GABBR2: variants seen among roughly 807,000 people sequenced by gnomAD.
GABBR2 encodes gamma-aminobutyric acid type B receptor subunit 2.
In GABBR2, 23 loss-of-function variants were observed where a neutral mutation model predicts 105.6. That is an observed-to-expected ratio of 0.22 (90% CI 0.16 to 0.31). GABBR2 has a LOEUF of 0.31. Among genes scored for constraint, GABBR2 ranks in the 10% least tolerant of loss-of-function variants. GABBR2 has a pLI of 1.00. For missense variants in GABBR2, 734 were observed against 1,245.5 expected, an observed-to-expected ratio of 0.59 and a Z score of 6.18; for synonymous variants, 478 against 499.7, an observed-to-expected ratio of 0.96 and a Z score of 0.58.
At chr9:98,503,034 A>G (rs908689039) in intron 3 of GABBR2, among the ~76,000 whole-genome samples, 3 of 152,274 alleles carry the variant, frequency 2.0e-5, no homozygotes, top group African/African-American at 7.2e-5. Flanking sequence ...ATCTCTGTCT[A>G]GTGAGGGCAA....
At chr9:98,494,407 GC>G (rs1257485127) in intron 4 of GABBR2, among the ~76,000 whole-genome samples, 1 of 152,220 alleles carries the variant, frequency 6.6e-6, no homozygotes, top group East Asian at 1.9e-4. Flanking sequence ...AAGGAGCTGT[GC>G]AGGTGTCTGG....
intron 13 of GABBR2, among the ~76,000 whole-genome samples, chr9:98,316,251 A>T (rs990541648): frequency 1.3e-5 from 2 of 151,766 alleles, no homozygotes; most frequent in Non-Finnish European, 2.9e-5. Context: ...TCCTGGGTTC[A>T]AGCGATTCTC....
intron 1 of GABBR2, among the ~76,000 whole-genome samples, chr9:98,589,461 C>T (rs947187949): frequency 1.3e-5 from 2 of 152,044 alleles, no homozygotes; most frequent in African/African-American, 2.4e-5. Context: ...ACAGAGAGGC[C>T]GCATCATCTA....
chr9:98,536,426 A>G (rs1828182536), intron 3 of GABBR2, among the ~76,000 whole-genome samples: 1 of 152,204 alleles, frequency 6.6e-6, no homozygotes, highest in African/African-American at 2.4e-5. Context: ...AGCCCAAAGA[A>G]TAACTTGGTG....
At chr9:98,500,268 G>T (rs1016157790) in intron 3 of GABBR2, among the ~76,000 whole-genome samples, 5 of 152,208 alleles carry the variant, frequency 3.3e-5, no homozygotes, top group African/African-American at 1.2e-4. Context: ...ATGGCAGGGG[G>T]TGCCCCTGGG....
intron 1 of GABBR2, among the ~76,000 whole-genome samples, chr9:98,624,040 C>A (rs191098969): frequency 6.6e-6 from 1 of 152,192 alleles, no homozygotes; most frequent in African/African-American, 2.4e-5. Flanking sequence ...CCAAGCCCTC[C>A]GTCTGTCCTG....
At chr9:98,538,711 A>G (rs1431761095) in intron 3 of GABBR2, 10 of 366,234 alleles carry the variant, frequency 2.7e-5, no homozygotes, top group Non-Finnish European at 3.8e-5. Flanking sequence ...TTCACTTGAC[A>G]TTCCTTCCAG....
intron 1 of GABBR2, among the ~76,000 whole-genome samples, chr9:98,704,099 CG>C (rs1334891852): frequency 2.0e-5 from 3 of 152,246 alleles, no homozygotes; most frequent in East Asian, 3.9e-4. Context: ...CTCTCAAACC[CG>C]GGGCTATGTT....
chr9:98,318,619 C>T (rs190103459), intron 13 of GABBR2, among the ~76,000 whole-genome samples: 9 of 152,220 alleles, frequency 5.9e-5, no homozygotes, highest in Non-Finnish European at 8.8e-5. Context: ...GGGCTCTTGG[C>T]GCGGGTCACT....
At chr9:98,578,195 G>A in intron 1 of GABBR2, 123 bp from the exon 2 acceptor site, 2 of 1,100,942 alleles carry the variant, frequency 1.8e-6, no homozygotes, top group Non-Finnish European at 2.7e-6. Flanking sequence ...CCATGGTGGG[G>A]AGTCTCCTTA....
At chr9:98,341,335 C>T (rs1831210380) in intron 13 of GABBR2, among the ~76,000 whole-genome samples, 1 of 152,176 alleles carries the variant, frequency 6.6e-6, no homozygotes, top group Admixed American at 6.5e-5. Flanking sequence ...CTGTGGACAC[C>T]CTTAAAATGT....
rs79109257 is a variant in GABBR2 at position 98,368,529 on chromosome 9, A to G, written c.1770+2935T>C. On this transcript the variant is annotated intron_variant, in intron 12 of 18. Transcript: ENST00000259455. ...GCCCATGGCCTCTGGTGACCACACC[A>G]TATCACTGCCCCACAGGGAGCTTCT... Among the ~76,000 whole-genome samples the G allele has an allele frequency of 4.2e-4, 64 of 152,232 alleles. No homozygotes were observed. In the East Asian group the frequency reaches 0.012, roughly 28 times the overall value.
intron 7 of GABBR2, among the ~76,000 whole-genome samples, chr9:98,426,134 A>G (rs569445704): frequency 6.6e-6 from 1 of 152,268 alleles, no homozygotes; most frequent in East Asian, 1.9e-4. Context: ...AAGTGTAGAC[A>G]CTTTGTCAGC....
rs949017174 is a variant in GABBR2, at chr9:98,560,381, G to A, written c.459+17554C>T. On this transcript the variant is annotated intron_variant, in intron 2 of 18. Transcript: ENST00000259455. ...TCCACTATCCCACCACCCAGCACAC[G>A]TGCGTGTGCGCATACACACATACAC... Among the ~76,000 whole-genome samples the A allele has an allele frequency of 2.7e-5, 4 of 150,232 alleles. No individual in the cohort carries two copies. The South Asian group carries it at 6.4e-4, about 24-fold the overall frequency.
At chr9:98,491,379 C>G (rs1482076717) in intron 4 of GABBR2, among the ~76,000 whole-genome samples, 1 of 152,196 alleles carries the variant, frequency 6.6e-6, no homozygotes, top group Non-Finnish European at 1.5e-5. Context: ...GAAACACAAT[C>G]TGAAAGTCTC....
intron 13 of GABBR2, among the ~76,000 whole-genome samples, chr9:98,324,942 A>G (rs916596640): frequency 1.3e-5 from 2 of 152,176 alleles, no homozygotes; most frequent in Non-Finnish European, 2.9e-5. Context: ...ACACACATAT[A>G]CACACACACG....
rs553777642 is a variant in GABBR2, at chr9:98,683,932, C to A, written c.321+24485G>T. Among the ~76,000 whole-genome samples the A allele has an allele frequency of 7.0e-5, 10 of 143,322 alleles. No homozygotes were observed. The South Asian group carries it at 2.2e-3, about 32-fold the overall frequency. 94.0% of individuals were successfully genotyped at this position (143,322 alleles called of 152,430 possible). Reference sequence around the variant, plus strand: ...CTGAGGCAGGAGAATGACATGAACCCAGGAGGCGGAGCTTGCAGTGAGCCG... The same window carrying A: ...CTGAGGCAGGAGAATGACATGAACCAAGGAGGCGGAGCTTGCAGTGAGCCG... On this transcript the variant is annotated intron_variant, in intron 1 of 18. Transcript: ENST00000259455.
At chr9:98,578,950 G>A (rs1386581674) in intron 1 of GABBR2, among the ~76,000 whole-genome samples, 1 of 152,190 alleles carries the variant, frequency 6.6e-6, no homozygotes, top group Non-Finnish European at 1.5e-5. Flanking sequence ...GTTGCCCGGG[G>A]CTGGGGGGAG....
intron 1 of GABBR2, among the ~76,000 whole-genome samples, chr9:98,640,121 C>CATATATATATATATATATATATATAT (rs6151094): frequency 2.1e-5 from 3 of 140,856 alleles, no homozygotes; most frequent in Admixed American, 7.1e-5. Context: ...AAAATACAAC[C>CATATATATATATATATATATATATAT]ATATATATAT....
Sources: allele counts gnomAD v4.1 joint callset (sites outside exome capture counted in the v4.1 genomes callset), GRCh38; gene constraint gnomAD v4.1.1; transcripts MANE v1.5; gene names NCBI Gene and HGNC (gene_info 2026-07-23, HGNC 2026-07-21).